DMAP1: variants seen among roughly 807,000 people sequenced by gnomAD.
The protein encoded by DMAP1 is DNA methyltransferase 1 associated protein 1.
DMAP1 carries 26 observed loss-of-function variants against 52.7 expected under a neutral mutation model. The ratio of observed to expected loss-of-function variants is 0.49; its 90% CI spans 0.36 to 0.68. The LOEUF is 0.68. DMAP1 is among the 30% of genes least tolerant of loss of function. The pLI is 0.00. For synonymous variants in DMAP1, 231 were observed against 246.0 expected, an observed-to-expected ratio of 0.94 and a Z score of 0.57; for missense variants, 439 against 625.2, an observed-to-expected ratio of 0.70 and a Z score of 3.18.
chr1:44,215,412 C>T (rs1308830879), intron 3 of DMAP1: 6 of 443,914 alleles, frequency 1.4e-5, no homozygotes, highest in Non-Finnish European at 1.8e-5. Context: ...CACCCAGTTG[C>T]CCAAACCAGA....
chr1:44,218,611 G>A lies in DMAP1; in HGVS notation c.576G>A (p.Lys192=), dbSNP rs1431609233. Residue 192 remains lysine (K), a synonymous_variant, in exon 5 of 10, where the codon AAG becomes AAA. Transcript: ENST00000372289. This position sits in a 1 kb window ranked among gnomAD's most constrained non-coding sequence, Gnocchi z 5.6. ...AGAAGCGTTCTGTGGAAGACCTGAA[G>A]GAGCGGTACTACCACATCTGTGCTA... The part of the protein sequence containing the change: ...QFKKRSVEDL[K]ERYYHICAKL... 1 of 1,611,772 alleles carries A rather than the reference G, an allele frequency of 6.2e-7. No homozygotes were observed. Among genetic ancestry groups the A allele is most frequent in the Admixed American group, 1.7e-5 (1 of 59,970 alleles).
rs1262079439 is a variant in DMAP1, at chr1:44,213,889, G to A, written c.105+31G>A. 6.5e-7 allele frequency: 1 copy of A among 1,548,186 alleles called. No homozygotes were observed. On this transcript the variant is annotated intron_variant, in intron 1 of 9. Coordinates refer to ENST00000372289, the MANE Select transcript of DMAP1 (RefSeq NM_019100.5). The surrounding 1 kb of genome is among the most constrained non-coding windows in gnomAD (Gnocchi z 4.5). ...AGGGGCACCTGAAAGCGTTGACTAG[G>A]GGAGGGTAGGGGAGTGAAGATGGGG...
At chr1:44,219,368 C>T (rs1643863720) in intron 6 of DMAP1, 38 bp from the exon 7 acceptor site, 1 of 1,550,268 alleles carries the variant, frequency 6.5e-7, no homozygotes, top group African/African-American at 1.4e-5. Flanking sequence ...GGCCCTCTCC[C>T]TGTGACACCT....
Position 44,218,583 on chromosome 1 carries a change from C to T in DMAP1, c.553-5C>T, listed in dbSNP as rs759735232. On this transcript the variant is annotated splice_polypyrimidine_tract_variant and splice_region_variant and intron_variant, in intron 4 of 9. Transcript: ENST00000372289. The surrounding 1 kb of genome is among the most constrained non-coding windows in gnomAD (Gnocchi z 5.6). Reference sequence around the variant, plus strand: ...TTCATTCCTCTACCCTGTCTTGCTCCTCAGAAGCGTTCTGTGGAAGACCTG... The same window carrying T: ...TTCATTCCTCTACCCTGTCTTGCTCTTCAGAAGCGTTCTGTGGAAGACCTG... 2 of 1,609,980 alleles carry T rather than the reference C, an allele frequency of 1.2e-6. No homozygotes were observed. Among genetic ancestry groups the T allele is most frequent in the Non-Finnish European group, 1.7e-6 (2 of 1,176,716 alleles).
At position 44,213,595 on chromosome 1, in the gene DMAP1, C is replaced by G. The variant is rs886687768; in HGVS notation, c.-159C>G. 6 of 620,904 alleles carry G rather than the reference C, an allele frequency of 9.7e-6. No homozygotes were observed. Among genetic ancestry groups the G allele is most frequent in the Non-Finnish European group, 1.7e-5 (6 of 353,378 alleles). The allele number at this position is 620,904 out of a possible 1,614,324, so 38.5% of individuals were successfully genotyped here. ...GAACATCCAAGCGGTGGGGCACAGG[C>G]AGATCCCCGACCTGACCTGGACCAC... On this transcript the variant is annotated 5_prime_UTR_variant, in exon 1 of 10. Transcript: ENST00000372289. This position sits in a 1 kb window ranked among gnomAD's most constrained non-coding sequence, Gnocchi z 4.5.
At chr1:44,219,584 C>T (rs1384202787) in intron 7 of DMAP1, 107 bp downstream of exon 7, 1 of 1,269,228 alleles carries the variant, frequency 7.9e-7, no homozygotes, top group Non-Finnish European at 1.1e-6. Context: ...GGAGAGATTG[C>T]TGCAGACAGA....
chr1:44,213,926 C>T lies in DMAP1; in HGVS notation c.105+68C>T, dbSNP rs1053148773. 7.1e-7 allele frequency: 1 copy of T among 1,409,610 alleles called. No homozygotes were observed. Among genetic ancestry groups the T allele is most frequent in the Non-Finnish European group, 9.8e-7 (1 of 1,019,932 alleles). 87.3% of individuals were successfully genotyped at this position (1,409,610 alleles called of 1,614,324 possible). The stretch of plus-strand genomic sequence containing the variant: ...GAGTGAAGATGGGGAGGAGTGACAA[C>T]GGGCAAGGGATGGGTGCTACACTTA... On this transcript the variant is annotated intron_variant, in intron 1 of 9. Transcript: ENST00000372289. The surrounding 1 kb of genome is among the most constrained non-coding windows in gnomAD (Gnocchi z 4.5).
chr1:44,213,768 G>A lies in DMAP1; in HGVS notation c.15G>A (p.Ala5=). The A allele has an allele frequency of 1.3e-6, 2 of 1,584,346 alleles. No homozygotes were observed. Among genetic ancestry groups the A allele is most frequent in the Non-Finnish European group, 1.7e-6 (2 of 1,165,802 alleles). The stretch of plus-strand genomic sequence containing the variant: ...TCTCAGGCGCGATGGCTACGGGCGC[G>A]GATGTACGGGACATTCTAGAACTCG... The part of the protein sequence containing the change: MATG[A]DVRDILELGG... The change falls in exon 1 of 10, where the codon GCG becomes GCA. Residue 5 remains alanine, a synonymous_variant. Coordinates refer to ENST00000372289, the MANE Select transcript of DMAP1 (RefSeq NM_019100.5). The surrounding 1 kb of genome is among the most constrained non-coding windows in gnomAD (Gnocchi z 4.5).
chr1:44,219,711 G>A (rs968477574), intron 7 of DMAP1, 95 bp from the exon 8 acceptor site: 24 of 1,458,174 alleles, frequency 1.6e-5, no homozygotes, highest in Admixed American at 3.7e-5. Context: ...ATGTGTTACC[G>A]TCTCTCTTCC....
chr1:44,214,575 C>T lies in DMAP1; in HGVS notation c.198-128C>T, dbSNP rs779474413. ...GCTTGCTTAGCAGGATGCAGGAGGA[C>T]CTGAAGTCTTTTGCTCCAGGACATG... On this transcript the variant is annotated intron_variant, in intron 2 of 9. Coordinates refer to ENST00000372289, the MANE Select transcript of DMAP1 (RefSeq NM_019100.5). 3.1e-6 allele frequency: 5 copies of T among 1,612,338 alleles called. No individual in the cohort carries two copies. The Admixed American group carries it at 6.7e-5, about 22-fold the overall frequency.
At chr1:44,214,573 G>A (rs758060379) in intron 2 of DMAP1, 130 bp from the exon 3 acceptor site, 8 of 1,612,400 alleles carry the variant, frequency 5.0e-6, no homozygotes, top group African/African-American at 2.7e-5. Flanking sequence ...GATGCAGGAG[G>A]ACCTGAAGTC....
chr1:44,219,208 G>A lies in DMAP1; in HGVS notation c.873G>A (p.Lys291=). Residue 291 remains lysine, a synonymous_variant, in exon 6 of 10, where the codon AAG becomes AAA. Coordinates refer to ENST00000372289, the MANE Select transcript of DMAP1 (RefSeq NM_019100.5). ...GCACGGAACGCAAGGCCCCCAAAAA[G>A]AAGCTACCCCAGAAAAAGGAGGCTG... The part of the protein sequence containing the change: ...QRRTERKAPK[K]KLPQKKEAEK... 1 of 1,613,782 alleles carries A rather than the reference G, an allele frequency of 6.2e-7. No individual in the cohort carries two copies. The highest frequency in any genetic ancestry group is 1.1e-5 in the South Asian group (1 of 91,064).
In DMAP1 at chr1:44,218,010, A is replaced by T; in HGVS notation, c.394-301A>T. On this transcript the variant is annotated intron_variant, in intron 3 of 9. Coordinates refer to ENST00000372289, the MANE Select transcript of DMAP1 (RefSeq NM_019100.5). The surrounding 1 kb of genome is among the most constrained non-coding windows in gnomAD (Gnocchi z 5.6). ...TCCAGAGTTGACCTTTGGACTCCAC[A>T]GAAGCACTTACATGTGGGCCCCTCA... 1 of 486,460 alleles carries T rather than the reference A, an allele frequency of 2.1e-6. No homozygotes were observed. Among genetic ancestry groups the T allele is most frequent in the Non-Finnish European group, 3.8e-6 (1 of 265,218 alleles). 30.1% of individuals were successfully genotyped at this position (486,460 alleles called of 1,614,324 possible).
Position 44,220,166 on chromosome 1 carries a change from G to A in DMAP1, c.1201G>A (p.Ala401Thr), listed in dbSNP as rs1243744982. 1.9e-6 allele frequency: 3 copies of A among 1,610,714 alleles called. No individual in the cohort carries two copies. Among genetic ancestry groups the A allele is most frequent in the East Asian group, 2.2e-5 (1 of 44,812 alleles). Residue 401 changes from alanine to threonine, a missense_variant, in exon 9 of 10, where the codon GCT (alanine) becomes ACT (threonine). Around this residue, in one of 3 missense-constraint regions of DMAP1, gnomAD observed 179 missense variants for 285.9 expected, o/e 0.63. Coordinates refer to ENST00000372289, the MANE Select transcript of DMAP1 (RefSeq NM_019100.5). Reference protein sequence around the residue: ...LRHRHEALARAGVLGGPATPA... With the variant: ...LRHRHEALARTGVLGGPATPA... ...GCACCGTCATGAGGCACTGGCCCGG[G>A]CTGGTGTGCTAGGGGGCCCTGCCAC...
chr1:44,218,104 TC>T lies in DMAP1; in HGVS notation c.394-205del. Reference sequence around the variant, plus strand: ...CTGGAGCTGGAGACAGTGAAGTTGATCCTGGAATAAATCAGAGGCAGGCTAC... The same window carrying T: ...CTGGAGCTGGAGACAGTGAAGTTGATCTGGAATAAATCAGAGGCAGGCTAC... On this transcript the variant is annotated intron_variant, in intron 3 of 9. Coordinates refer to ENST00000372289, the MANE Select transcript of DMAP1 (RefSeq NM_019100.5). This position sits in a 1 kb window ranked among gnomAD's most constrained non-coding sequence, Gnocchi z 5.6. 1.5e-6 allele frequency: 1 copy of T among 666,068 alleles called. No homozygotes were observed. Among genetic ancestry groups the T allele is most frequent in the African/African-American group, 1.8e-5 (1 of 56,592 alleles). The allele number at this position is 666,068 out of a possible 1,614,324, so 41.3% of individuals were successfully genotyped here.
In DMAP1 at chr1:44,218,173, C is replaced by G; in HGVS notation, c.394-138C>G. On this transcript the variant is annotated intron_variant, in intron 3 of 9. Transcript: ENST00000372289. This position sits in a 1 kb window ranked among gnomAD's most constrained non-coding sequence, Gnocchi z 5.6. The stretch of plus-strand genomic sequence containing the variant: ...GGACCTCTAGTCAAGCAGACAAGTT[C>G]TTTCCTCACTCCATGCTGCAGGGGC... 3 of 1,167,292 alleles carry G rather than the reference C, an allele frequency of 2.6e-6. No individual in the cohort carries two copies. The highest frequency in any genetic ancestry group is 3.9e-6 in the Non-Finnish European group (3 of 777,824). The allele number at this position is 1,167,292 out of a possible 1,614,324, so 72.3% of individuals were successfully genotyped here. A position where few individuals can be genotyped will look rare whatever the true frequency, so the allele number is the denominator to read the frequency against.
chr1:44,213,886 T>G lies in DMAP1; in HGVS notation c.105+28T>G, dbSNP rs371549437. 25 of 1,546,314 alleles carry G rather than the reference T, an allele frequency of 1.6e-5. No homozygotes were observed. The African/African-American group carries it at 3.4e-4, about 21-fold the overall frequency. On this transcript the variant is annotated intron_variant, in intron 1 of 9. Transcript: ENST00000372289. This position sits in a 1 kb window ranked among gnomAD's most constrained non-coding sequence, Gnocchi z 4.5. The stretch of plus-strand genomic sequence containing the variant: ...AGCAGGGGCACCTGAAAGCGTTGAC[T>G]AGGGGAGGGTAGGGGAGTGAAGATG...
Position 44,218,541 on chromosome 1 carries a change from C to T in DMAP1, c.553-47C>T. The T allele has an allele frequency of 1.9e-6, 3 of 1,608,242 alleles. 1 individual carries two copies. The South Asian group carries it at 3.3e-5, about 18-fold the overall frequency. On this transcript the variant is annotated intron_variant, in intron 4 of 9. Transcript: ENST00000372289. This position sits in a 1 kb window ranked among gnomAD's most constrained non-coding sequence, Gnocchi z 5.6. The stretch of plus-strand genomic sequence containing the variant: ...AGGCCCTACTTTTATGCCATCTCTT[C>T]CACATGCCCCTGAATGTTCATTCCT...
At position 44,213,762 on chromosome 1, in the gene DMAP1, G is replaced by A. The variant is rs762185364; in HGVS notation, c.9G>A (p.Thr3=). Residue 3 remains threonine, a synonymous_variant, in exon 1 of 10, where the codon ACG becomes ACA. Transcript: ENST00000372289. This position sits in a 1 kb window ranked among gnomAD's most constrained non-coding sequence, Gnocchi z 4.5. ...CCCATCTCTCAGGCGCGATGGCTAC[G>A]GGCGCGGATGTACGGGACATTCTAG... is the stretch of plus-strand genomic sequence containing the variant. The part of the protein sequence containing the change: MA[T]GADVRDILEL... 12 of 1,581,098 alleles carry A rather than the reference G, an allele frequency of 7.6e-6. No homozygotes were observed. The highest frequency in any genetic ancestry group is 1.8e-5 in the Admixed American group (1 of 55,380).
Sources: gnomAD v4.1 joint callset for allele counts on GRCh38, gnomAD v4.1.1 for gene constraint, gnomAD v4.1.1 regional missense constraint, Gnocchi (gnomAD v3.1) non-coding constraint, MANE v1.5 for transcripts, NCBI Gene and HGNC (gene_info 2026-07-23, HGNC 2026-07-21) for gene names.